CSMD3: variants seen among roughly 807,000 people sequenced by gnomAD.
CSMD3 encodes the protein CUB and sushi domain-containing protein 3.
Under a neutral mutation model 435.2 loss-of-function variants are expected in CSMD3, and 177 were observed. The observed-to-expected ratio is 0.41, with a 90% CI of 0.36 to 0.46. The LOEUF is 0.46. Ranked by LOEUF, CSMD3 falls within the 20% of genes least tolerant of loss-of-function variation. The pLI is 0.34. For missense variants in CSMD3, 4,265 were observed against 4,504.6 expected (o/e 0.95, Z 1.52); for synonymous variants, 1,656 against 1,520.5 (o/e 1.09, Z -2.07).
intron 20 of CSMD3, among the ~76,000 whole-genome samples, chr8:112,643,276 C>T (rs895360863): frequency 1.5e-4 from 23 of 152,036 alleles, no homozygotes; most frequent in Admixed American, 1.2e-3. Context: ...GAGTACAGTC[C>T]TTATCAACAG....
At chr8:113,348,589 G>A (rs1247663641) in intron 1 of CSMD3, among the ~76,000 whole-genome samples, 1 of 152,062 alleles carries the variant, frequency 6.6e-6, no homozygotes, top group Non-Finnish European at 1.5e-5. Context: ...TGGAGATCAA[G>A]GAAGCAGGTA....
At chr8:113,295,214 G>A (rs948833140) in intron 2 of CSMD3, among the ~76,000 whole-genome samples, 1 of 152,026 alleles carries the variant, frequency 6.6e-6, no homozygotes, top group Non-Finnish European at 1.5e-5. Context: ...ATTTTTAAAT[G>A]CACAATAAAT....
At chr8:112,368,196 T>C (rs1827972479) in intron 38 of CSMD3, among the ~76,000 whole-genome samples, 1 of 152,158 alleles carries the variant, frequency 6.6e-6, no homozygotes, top group African/African-American at 2.4e-5. Flanking sequence ...GGAATTCTTT[T>C]GACTTTTGAT....
At chr8:112,243,158 C>T (rs781672294) in intron 65 of CSMD3, among the ~76,000 whole-genome samples, 19 of 151,400 alleles carry the variant, frequency 1.3e-4, no homozygotes, top group African/African-American at 4.6e-4. Flanking sequence ...GATAGGAGGA[C>T]AGGAGAGTGG....
chr8:112,367,701 T>C (rs1827911810), intron 38 of CSMD3, among the ~76,000 whole-genome samples: 1 of 152,174 alleles, frequency 6.6e-6, no homozygotes, highest in Non-Finnish European at 1.5e-5. Flanking sequence ...TCCTTGGGCT[T>C]ATTCTCACCA....
intron 5 of CSMD3, among the ~76,000 whole-genome samples, chr8:113,088,280 A>G (rs1335878532): frequency 1.3e-5 from 2 of 151,318 alleles, no homozygotes; most frequent in Non-Finnish European, 2.9e-5. Context: ...AACTAGTTCA[A>G]CCATTGTGGA....
At chr8:113,141,404 T>C (rs1316741243) in intron 4 of CSMD3, among the ~76,000 whole-genome samples, 1 of 150,830 alleles carries the variant, frequency 6.6e-6, no homozygotes, top group Non-Finnish European at 1.5e-5. Context: ...AGTATGTCAA[T>C]ATCCCTCATG....
chr8:112,714,861 G>A (rs942026205), intron 13 of CSMD3, among the ~76,000 whole-genome samples: 2 of 152,096 alleles, frequency 1.3e-5, no homozygotes, highest in Non-Finnish European at 2.9e-5. Context: ...AAATCAAGAA[G>A]TTCTTTGAAA....
At position 112,954,729 on chromosome 8, in the gene CSMD3, A is replaced by G; in HGVS notation, c.1375T>C (p.Phe459Leu). Residue 459 changes from phenylalanine to leucine, a missense_variant, in exon 8 of 71, where the codon TTT becomes CTT. Transcript: ENST00000297405. ...TTGTCTTTCCCTGGAAACAATTTAA[A>G]TCCTCTAGATTTAAAATCTATGGCC... The part of the protein sequence containing the change: ...KKAIDFKSRG[F>L]KLFPGKDNSN... 2.5e-6 allele frequency: 4 copies of G among 1,598,132 alleles called. No homozygotes were observed. Among genetic ancestry groups the G allele is most frequent in the Non-Finnish European group, 3.4e-6 (4 of 1,166,812 alleles).
intron 22 of CSMD3, among the ~76,000 whole-genome samples, chr8:112,607,489 C>T (rs1184612462): frequency 6.6e-6 from 1 of 151,826 alleles, no homozygotes; most frequent in African/African-American, 2.4e-5. Context: ...TTTAAAAGGC[C>T]AATATTAACC....
chr8:112,788,877 C>A (rs191058252), intron 13 of CSMD3, among the ~76,000 whole-genome samples: 1 of 152,092 alleles, frequency 6.6e-6, no homozygotes, highest in Non-Finnish European at 1.5e-5. Context: ...TAAAATAAAC[C>A]TCTAAGTTAA....
At chr8:112,543,882 G>A (rs1826912326) in intron 27 of CSMD3, among the ~76,000 whole-genome samples, 1 of 152,078 alleles carries the variant, frequency 6.6e-6, no homozygotes, top group East Asian at 1.9e-4. Context: ...AGTGGAATAC[G>A]ATTTGGTCTC....
intron 3 of CSMD3, among the ~76,000 whole-genome samples, chr8:113,184,909 C>T (rs1239473216): frequency 6.6e-6 from 1 of 152,020 alleles, no homozygotes; most frequent in Non-Finnish European, 1.5e-5. Flanking sequence ...ATTCCATAAC[C>T]TTCCAGTTAC....
At chr8:113,386,896 C>T (rs1192535686) in intron 1 of CSMD3, among the ~76,000 whole-genome samples, 3 of 151,700 alleles carry the variant, frequency 2.0e-5, no homozygotes, top group Admixed American at 6.6e-5. Flanking sequence ...AAATATGATC[C>T]AAAATTTACA....
intron 26 of CSMD3, among the ~76,000 whole-genome samples, chr8:112,551,715 C>T (rs1476780117): frequency 6.6e-6 from 1 of 151,930 alleles, no homozygotes; most frequent in African/African-American, 2.4e-5. Flanking sequence ...TTGCACATTG[C>T]CTTGCAAAAG....
intron 13 of CSMD3, among the ~76,000 whole-genome samples, chr8:112,743,230 A>T (rs1481189002): frequency 6.6e-6 from 1 of 151,918 alleles, no homozygotes; most frequent in Non-Finnish European, 1.5e-5. Context: ...TTGCAGTGGA[A>T]AATAGTTTAA....
chr8:113,323,487 A>T (rs1248148252), intron 1 of CSMD3, among the ~76,000 whole-genome samples: 1 of 152,202 alleles, frequency 6.6e-6, no homozygotes, highest in Admixed American at 6.5e-5. Context: ...GTTAGAATCA[A>T]GTTTAACGTG....
intron 1 of CSMD3, among the ~76,000 whole-genome samples, chr8:113,362,508 G>T (rs1319097169): frequency 1.3e-5 from 2 of 152,178 alleles, no homozygotes; most frequent in South Asian, 2.1e-4. Flanking sequence ...CATCCTTGGT[G>T]CCCTGTAGGT....
At chr8:112,470,574 G>A (rs542719297) in intron 32 of CSMD3, among the ~76,000 whole-genome samples, 3 of 151,898 alleles carry the variant, frequency 2.0e-5, no homozygotes, top group Non-Finnish European at 4.4e-5. Context: ...TTGAAAGCTG[G>A]CATTCGTTAA....
Sources: allele counts gnomAD v4.1 joint callset (sites outside exome capture counted in the v4.1 genomes callset), GRCh38; gene constraint gnomAD v4.1.1; transcripts MANE v1.5; gene names NCBI Gene and HGNC (gene_info 2026-07-23, HGNC 2026-07-21).